The following UROC1 variants were observed in gnomAD, a reference collection of about 807,000 sequenced individuals.
UROC1 encodes the protein urocanate hydratase.
UROC1 carries 79 observed loss-of-function variants against 89.5 expected under a neutral mutation model. The observed-to-expected ratio is 0.88, with a 90% CI of 0.74 to 1.06. The LOEUF is 1.06. UROC1 is among the 50% of genes least tolerant of loss of function. UROC1 has a pLI of 0.00. For synonymous variants in UROC1, 361 were observed against 354.8 expected, an observed-to-expected ratio of 1.02 and a Z score of -0.20; for missense variants, 885 against 907.8, an observed-to-expected ratio of 0.97 and a Z score of 0.32.
chr3:126,494,001 C>A (rs77582377), intron 15 of UROC1, among the ~76,000 whole-genome samples: 12,241 of 152,210 alleles, frequency 0.08, 565 homozygotes, highest in Non-Finnish European at 0.099. Context: ...AGAGAACAGG[C>A]TTATTTTACT....
intron 9 of UROC1, among the ~76,000 whole-genome samples, chr3:126,503,499 C>T (rs1311293585): frequency 6.6e-6 from 1 of 152,234 alleles, no homozygotes; most frequent in Non-Finnish European, 1.5e-5. Context: ...ACCGACTGCC[C>T]CTCAGCACCG....
chr3:126,508,218 GC>G, intron 4 of UROC1, 123 bp from the exon 5 acceptor site: 2 of 1,562,726 alleles, frequency 1.3e-6, no homozygotes. Flanking sequence ...CACTCCAGTG[GC>G]CCTGGTGCCT....
At chr3:126,485,279 C>A (rs775048659) in intron 18 of UROC1, among the ~76,000 whole-genome samples, 1 of 152,236 alleles carries the variant, frequency 6.6e-6, no homozygotes, top group Non-Finnish European at 1.5e-5. Flanking sequence ...GCCTACAAGG[C>A]AGTTGTTATT....
chr3:126,489,446 A>T, intron 16 of UROC1, 71 bp from the exon 17 acceptor site: 1 of 1,294,208 alleles, frequency 7.7e-7, no homozygotes, highest in Non-Finnish European at 1.1e-6. Context: ...ACTGAGGACA[A>T]GGGGCAGGTC....
chr3:126,499,673 G>T (rs540241866), intron 12 of UROC1, among the ~76,000 whole-genome samples: 1 of 152,218 alleles, frequency 6.6e-6, no homozygotes, highest in Non-Finnish European at 1.5e-5. Context: ...AGACAGGGCT[G>T]GGGGGGCTTC....
intron 9 of UROC1, 52 bp from the exon 10 acceptor site, chr3:126,501,332 C>T (rs1331864823): frequency 1.3e-5 from 21 of 1,606,376 alleles, no homozygotes; most frequent in Non-Finnish European, 1.7e-5. Context: ...TGCATAGGTG[C>T]CCCAGACACA....
intron 6 of UROC1, among the ~76,000 whole-genome samples, chr3:126,506,436 A>G (rs1936062061): frequency 6.6e-6 from 1 of 152,214 alleles, no homozygotes; most frequent in Non-Finnish European, 1.5e-5. Flanking sequence ...GAGAGAAGTG[A>G]GTGGCGGAAA....
At chr3:126,483,571 G>T in intron 18 of UROC1, 103 bp from the exon 19 acceptor site, 1 of 1,096,044 alleles carries the variant, frequency 9.1e-7, no homozygotes, top group Non-Finnish European at 1.3e-6. Context: ...ACGGCGTCAG[G>T]GTTGGGGCCG....
rs764241328 is a variant in UROC1, at chr3:126,510,759, CG to C, written c.161del (p.Pro54ArgfsTer32). 17 of 1,613,902 alleles carry C rather than the reference CG, an allele frequency of 1.1e-5. No homozygotes were observed. Among genetic ancestry groups the C allele is most frequent in the Non-Finnish European group, 1.4e-5 (16 of 1,180,040 alleles). The part of the protein sequence containing the change: ...ALRNALRYFP[P>X]DVQELLAPEF... ...CTGGGGCCAGCAGCTCCTGGACATC[CG>C]GGGGGAAGTAGCGCAGGGCGTTCCT... On this transcript the variant is annotated frameshift_variant, in exon 2 of 20. Coordinates refer to ENST00000290868, the MANE Select transcript of UROC1 (RefSeq NM_144639.3). LOFTEE classifies it high-confidence loss of function.
chr3:126,508,006 G>A lies in UROC1; in HGVS notation c.501C>T (p.Ser167=), dbSNP rs746072358. ...YSGHPLGLFP[S]SRSAPRLVIT... ...TGACGAGCCGTGGGGCACTGCGGCTGCTGGGAAAGAGGCCAAGTGGGTGCC... is the reference window on the plus strand; with the variant it reads ...TGACGAGCCGTGGGGCACTGCGGCTACTGGGAAAGAGGCCAAGTGGGTGCC... The change falls in exon 5 of 20, where the codon AGC becomes AGT. Residue 167 remains serine (S), a synonymous_variant. Coordinates refer to ENST00000290868, the MANE Select transcript of UROC1 (RefSeq NM_144639.3). The A allele has an allele frequency of 3.7e-6, 6 of 1,613,942 alleles. No individual in the cohort carries two copies. The highest frequency in any genetic ancestry group is 1.3e-5 in the African/African-American group (1 of 74,942).
At chr3:126,509,534 G>T (rs374924014) in intron 3 of UROC1, 51 bp downstream of exon 3, 2 of 1,455,378 alleles carry the variant, frequency 1.4e-6, no homozygotes, top group Admixed American at 2.0e-5. Context: ...CGTGTGTCTC[G>T]TGTTCTGTTT....
Position 126,505,752 on chromosome 3 carries a change from C to T in UROC1, c.762G>A (p.Gly254=). The T allele has an allele frequency of 6.2e-7, 1 of 1,613,858 alleles. No individual in the cohort carries two copies. The highest frequency in any genetic ancestry group is 8.5e-7 in the Non-Finnish European group (1 of 1,179,986). The part of the protein sequence containing the change: ...FVTSGLGGMS[G]AQAKAAVIVG... The stretch of plus-strand genomic sequence containing the variant: ...CGATGACTGCGGCCTTGGCCTGAGC[C>T]CCACTCATTCCGCCGAGCCCAGAGG... The change falls in exon 8 of 20, where the codon GGG becomes GGA. Residue 254 remains glycine, a synonymous_variant. Transcript: ENST00000290868.
intron 1 of UROC1, 111 bp downstream of exon 1, chr3:126,517,483 T>A: frequency 6.5e-7 from 1 of 1,546,592 alleles, no homozygotes. Context: ...GAGTCCAGGG[T>A]GGGCGGCTGA....
chr3:126,505,988 C>A lies in UROC1; in HGVS notation c.626G>T (p.Ser209Ile). Residue 209 changes from serine to isoleucine, a missense_variant, in exon 7 of 20, where the codon AGC becomes ATC. By Grantham distance (142) the Ser-to-Ile change is moderately radical (BLOSUM62 -2). Coordinates refer to ENST00000290868, the MANE Select transcript of UROC1 (RefSeq NM_144639.3). The part of the protein sequence containing the change: ...VTMYGQMTAG[S>I]YCYIGPQGIV... ...TCCCTGGGGACCGATGTAGCAGTAG[C>A]TACCTGCTGTCATCTGGCCGTACCT... The A allele has an allele frequency of 6.2e-7, 1 of 1,613,520 alleles. No individual in the cohort carries two copies. The highest frequency in any genetic ancestry group is 8.5e-7 in the Non-Finnish European group (1 of 1,180,036).
In UROC1 at chr3:126,498,076, C is replaced by T. The variant is rs1181863313; in HGVS notation, c.1413G>A (p.Val471=). 1.2e-6 allele frequency: 2 copies of T among 1,614,170 alleles called. No homozygotes were observed. The highest frequency in any genetic ancestry group is 8.5e-7 in the Non-Finnish European group (1 of 1,180,024). ...LAVTDELATS[V]LEEAIADGVK... The stretch of plus-strand genomic sequence containing the variant: ...CTCCATCAGCAATGGCTTCCTCCAG[C>T]ACAGATGTGGCCAGTTCGTCTGTGA... Residue 471 remains valine, a synonymous_variant, in exon 14 of 20, where the codon GTG becomes GTA. Transcript: ENST00000290868.
chr3:126,499,032 C>T (rs1296822041), intron 13 of UROC1, among the ~76,000 whole-genome samples: 4 of 152,042 alleles, frequency 2.6e-5, no homozygotes, highest in Admixed American at 6.5e-5. Flanking sequence ...CCTGTGAAGA[C>T]ATATTATTCA....
intron 14 of UROC1, 41 bp from the exon 15 acceptor site, chr3:126,496,149 G>A: frequency 1.3e-6 from 2 of 1,594,458 alleles, no homozygotes; most frequent in Non-Finnish European, 1.7e-6. Context: ...ACCCTCCAGG[G>A]GCACAGACCT....
chr3:126,509,405 T>C (rs1247652177), intron 3 of UROC1, among the ~76,000 whole-genome samples, 180 bp downstream of exon 3: 2 of 152,186 alleles, frequency 1.3e-5, no homozygotes, highest in Non-Finnish European at 2.9e-5. Flanking sequence ...GGCTGTACTA[T>C]AGACACGGAT....
At chr3:126,515,457 A>G (rs545861226) in intron 1 of UROC1, among the ~76,000 whole-genome samples, 3 of 79,606 alleles carry the variant, frequency 3.8e-5, no homozygotes, top group African/African-American at 1.6e-4. Context: ...AGTGCCCACC[A>G]CCTACCCTCT....
Sources: gnomAD v4.1 joint callset for allele counts (sites outside exome capture counted in the v4.1 genomes callset) on GRCh38, gnomAD v4.1.1 for gene constraint, MANE v1.5 for transcripts, NCBI Gene and HGNC (gene_info 2026-07-23, HGNC 2026-07-21) for gene names.